AUH: variants seen among roughly 807,000 people sequenced by gnomAD.
The protein encoded by AUH is methylglutaconyl-CoA hydratase, mitochondrial.
In AUH, 29 loss-of-function variants were observed where a neutral mutation model predicts 42.3. The observed-to-expected ratio is 0.69, with a 90% CI of 0.51 to 0.93. The LOEUF is 0.93. Ranked by LOEUF, AUH falls within the 40% of genes least tolerant of loss-of-function variation. The pLI is 0.00. For synonymous variants in AUH, 174 were observed against 166.4 expected (o/e 1.05, Z -0.35); for missense variants, 452 against 438.1 (o/e 1.03, Z -0.28).
intron 4 of AUH, 130 bp from the exon 5 acceptor site, chr9:91,298,206 A>G: frequency 1.4e-6 from 1 of 695,132 alleles, no homozygotes; most frequent in East Asian, 2.8e-5. Flanking sequence ...TATCCCTTTT[A>G]CCTTTAACAA....
chr9:91,246,221 C>A (rs537928680), intron 6 of AUH, among the ~76,000 whole-genome samples: 1 of 152,110 alleles, frequency 6.6e-6, no homozygotes, highest in Non-Finnish European at 1.5e-5. Context: ...AAAGCTCACT[C>A]GCTGTGTAAA....
At chr9:91,275,541 TAC>T (rs766371006) in intron 6 of AUH, among the ~76,000 whole-genome samples, 14 of 152,200 alleles carry the variant, frequency 9.2e-5, no homozygotes, top group Admixed American at 2.6e-4. Flanking sequence ...AATGCAAAAG[TAC>T]AGTTAGATAA....
chr9:91,217,166 AACAAC>A, intron 8 of AUH, 106 bp downstream of exon 8: 2 of 1,158,982 alleles, frequency 1.7e-6, no homozygotes, highest in Non-Finnish European at 2.5e-6. Flanking sequence ...GTAGCATTTA[AACAAC>A]CATATTTTAG....
intron 6 of AUH, among the ~76,000 whole-genome samples, chr9:91,231,652 T>C (rs1827890471): frequency 6.6e-6 from 1 of 152,188 alleles, no homozygotes; most frequent in Non-Finnish European, 1.5e-5. Context: ...GGTGAAATTA[T>C]AATTGTTTCA....
intron 6 of AUH, among the ~76,000 whole-genome samples, chr9:91,260,840 T>G (rs1052909392): frequency 6.6e-6 from 1 of 152,180 alleles, no homozygotes; most frequent in Admixed American, 6.5e-5. Flanking sequence ...TGTACTCTGG[T>G]TTCCACGGTG....
At chr9:91,350,165 T>A (rs182855971) in intron 3 of AUH, among the ~76,000 whole-genome samples, 94 of 152,366 alleles carry the variant, frequency 6.2e-4, no homozygotes, top group African/African-American at 2.1e-3. Context: ...AATAGAAACA[T>A]CCATTTTAAT....
Position 91,317,153 on chromosome 9 carries a change from T to A in AUH, c.505+8165A>T, listed in dbSNP as rs189125112. On this transcript the variant is annotated intron_variant, in intron 4 of 9. Transcript: ENST00000375731. ...TTCATTTCTATGTCATTATAATAAA[T>A]CTTGAGTGCTGAAATGGCAAGACGC... Among the ~76,000 whole-genome samples, 41 of 152,304 alleles carry A rather than the reference T, an allele frequency of 2.7e-4. No homozygotes were observed. In the East Asian group the frequency reaches 7.9e-3, roughly 29 times the overall value.
rs16907377 is a variant in AUH at position 91,322,138 on chromosome 9, A to G, written c.505+3180T>C. On this transcript the variant is annotated intron_variant, in intron 4 of 9. Transcript: ENST00000375731. ...GAGGAACTCCCAAGAAAAAATGGAG[A>G]TAAGAACTAGCCCAGAAAAGAAAAG... Among the ~76,000 whole-genome samples the G allele has an allele frequency of 9.6e-3, 1,465 of 152,322 alleles. 25 individuals are homozygous for G. The highest frequency in any genetic ancestry group is 0.034 in the African/African-American group (1,394 of 41,570).
intron 6 of AUH, among the ~76,000 whole-genome samples, chr9:91,241,492 T>G (rs1192447497): frequency 6.6e-6 from 1 of 152,182 alleles, no homozygotes; most frequent in Non-Finnish European, 1.5e-5. Flanking sequence ...TTTTTCCTTT[T>G]TGAGATTTTG....
At chr9:91,218,571 C>T (rs1826956110) in intron 7 of AUH, 2 of 966,450 alleles carry the variant, frequency 2.1e-6, no homozygotes, top group African/African-American at 1.8e-5. Context: ...GATGCCCAGG[C>T]TGCTGGTCCA....
intron 6 of AUH, among the ~76,000 whole-genome samples, chr9:91,227,091 A>T (rs1827544940): frequency 6.6e-6 from 1 of 151,594 alleles, no homozygotes; most frequent in African/African-American, 2.4e-5. Flanking sequence ...CTGTAAAGAA[A>T]GGCATTGGTA....
chr9:91,221,377 T>A (rs1827126597), intron 6 of AUH, among the ~76,000 whole-genome samples: 1 of 152,234 alleles, frequency 6.6e-6, no homozygotes, highest in Non-Finnish European at 1.5e-5. Context: ...TTGGCATTCT[T>A]CTTTCAGCTT....
At chr9:91,347,312 C>T (rs1831590969) in intron 3 of AUH, among the ~76,000 whole-genome samples, 1 of 152,150 alleles carries the variant, frequency 6.6e-6, no homozygotes, top group East Asian at 1.9e-4. Context: ...CTGCCTCAGC[C>T]TCCCAAAGTG....
At chr9:91,223,882 C>A (rs904497028) in intron 6 of AUH, among the ~76,000 whole-genome samples, 1 of 152,118 alleles carries the variant, frequency 6.6e-6, no homozygotes, top group African/African-American at 2.4e-5. Context: ...TGAGTTTCTT[C>A]CCCAGAAAAG....
rs532376766 is a variant in AUH, at chr9:91,321,736, G to GA, written c.505+3581dup. Among the ~76,000 whole-genome samples the GA allele has an allele frequency of 2.4e-4, 37 of 151,972 alleles. 1 individual carries two copies. Among genetic ancestry groups the GA allele is most frequent in the East Asian group, 1.9e-4 (1 of 5,190 alleles). Reference sequence around the variant, plus strand: ...GTTTTTACATTTTTAAATGCCTGGGGAAAAAAATCAAAATAAAAAATTGTT... The same window carrying GA: ...GTTTTTACATTTTTAAATGCCTGGGGAAAAAAAATCAAAATAAAAAATTGTT... On this transcript the variant is annotated intron_variant, in intron 4 of 9. Coordinates refer to ENST00000375731, the MANE Select transcript of AUH (RefSeq NM_001698.3).
intron 6 of AUH, among the ~76,000 whole-genome samples, chr9:91,277,757 T>G (rs548553285): frequency 6.6e-6 from 1 of 152,336 alleles, no homozygotes; most frequent in East Asian, 1.9e-4. Context: ...TACTAAAAGA[T>G]GAAATTTTGA....
chr9:91,277,125 G>A (rs1416423960), intron 6 of AUH, among the ~76,000 whole-genome samples: 1 of 152,134 alleles, frequency 6.6e-6, no homozygotes, highest in African/African-American at 2.4e-5. Flanking sequence ...AGGAGTTCCA[G>A]GTTACAGGGT....
chr9:91,226,983 T>C (rs1460010477), intron 6 of AUH, among the ~76,000 whole-genome samples: 1 of 150,460 alleles, frequency 6.6e-6, no homozygotes, highest in Non-Finnish European at 1.5e-5. Flanking sequence ...AGTCAGGTAG[T>C]GTGATGCCTC....
chr9:91,295,942 C>G, intron 6 of AUH, 79 bp downstream of exon 6: 1 of 1,507,712 alleles, frequency 6.6e-7, no homozygotes, highest in South Asian at 1.1e-5. Context: ...GTTGCCTTTC[C>G]AATTAACATG....
Sources: gnomAD v4.1 joint callset for allele counts (sites outside exome capture counted in the v4.1 genomes callset) on GRCh38, gnomAD v4.1.1 for gene constraint, MANE v1.5 for transcripts, NCBI Gene and HGNC (gene_info 2026-07-23, HGNC 2026-07-21) for gene names.